The following ZNF680 variants were observed in gnomAD, a reference collection of about 807,000 sequenced individuals.
ZNF680 encodes zinc finger protein 680, also known as hypothetical protein FLJ90430.
Under a neutral mutation model 12.1 loss-of-function variants are expected in ZNF680, and 6 were observed. That is an observed-to-expected ratio of 0.49 (90% CI 0.27 to 0.98). The LOEUF is 0.98. Among genes scored for constraint, ZNF680 ranks in the 50% least tolerant of loss-of-function variants. ZNF680 has a pLI of 0.12. For missense variants in ZNF680, 561 were observed against 616.3 expected (o/e 0.91, Z 0.95); for synonymous variants, 170 against 199.3 (o/e 0.85, Z 1.24).
At chr7:64,511,378 G>GT in the ZNF680 span, among the ~76,000 whole-genome samples, 2 of 152,162 alleles carry the variant, frequency 1.3e-5, no homozygotes, top group Non-Finnish European at 2.9e-5. Context: ...TAATTTCTAT[G>GT]TATCAAAAGA....
chr7:64,509,299 C>T, the ZNF680 span, among the ~76,000 whole-genome samples: 1 of 152,116 alleles, frequency 6.6e-6, no homozygotes, highest in African/African-American at 2.4e-5. Context: ...ATTGTTTTCC[C>T]TTTTATGTCT....
intron 3 of ZNF680, among the ~76,000 whole-genome samples, chr7:64,536,334 G>A (rs920991704): frequency 2.0e-5 from 3 of 152,214 alleles, no homozygotes; most frequent in African/African-American, 7.2e-5. Context: ...TTGGCAGACT[G>A]TACAAGAAGT....
rs530950696 is a variant in ZNF680, at chr7:64,555,516, G to T, written c.30+7409C>A. On this transcript the variant is annotated intron_variant, in intron 1 of 3. Transcript: ENST00000309683. ...GCAACACAGCTAAGGCAGTGTTAAAGAGAAATTTATAGCACTAAAAGCTCA... is the reference window on the plus strand; with the variant it reads ...GCAACACAGCTAAGGCAGTGTTAAATAGAAATTTATAGCACTAAAAGCTCA... Among the ~76,000 whole-genome samples the T allele has an allele frequency of 1.6e-3, 243 of 152,050 alleles. 1 individual carries two copies. The highest frequency in any genetic ancestry group is 2.4e-3 in the Non-Finnish European group (166 of 67,974).
chr7:64,543,129 C>T (rs1193264757), intron 3 of ZNF680, among the ~76,000 whole-genome samples: 1 of 151,884 alleles, frequency 6.6e-6, no homozygotes, highest in African/African-American at 2.4e-5. Flanking sequence ...CATTTTTTTA[C>T]AGCAATGAAA....
intron 3 of ZNF680, among the ~76,000 whole-genome samples, chr7:64,528,210 A>G (rs1584358376): frequency 6.6e-6 from 1 of 152,070 alleles, no homozygotes; most frequent in South Asian, 2.1e-4. Context: ...ATCTTTTTGG[A>G]GGGCAGCCAC....
intron 3 of ZNF680, among the ~76,000 whole-genome samples, chr7:64,527,186 C>G (rs1044268059): frequency 2.0e-5 from 3 of 151,880 alleles, no homozygotes; most frequent in Non-Finnish European, 2.9e-5. Flanking sequence ...TGCAGTGAGC[C>G]GAGATCACGC....
At chr7:64,524,443 A>T (rs1791724755) in intron 3 of ZNF680, among the ~76,000 whole-genome samples, 1 of 152,184 alleles carries the variant, frequency 6.6e-6, no homozygotes, top group South Asian at 2.1e-4. Flanking sequence ...AAAGAAGAAT[A>T]TTAAACAGTA....
intron 3 of ZNF680, among the ~76,000 whole-genome samples, chr7:64,535,487 T>C (rs148610154): frequency 8.9e-4 from 135 of 152,066 alleles, no homozygotes; most frequent in African/African-American, 2.9e-3. Flanking sequence ...GACGCCTGAA[T>C]GGCTTCAGTA....
chr7:64,556,693 C>A (rs761122135), intron 1 of ZNF680, among the ~76,000 whole-genome samples: 3 of 151,944 alleles, frequency 2.0e-5, no homozygotes, highest in Non-Finnish European at 4.4e-5. Context: ...GAAAGAAAAT[C>A]TAAAAAATAC....
chr7:64,559,604 C>T (rs1239447479), intron 1 of ZNF680, among the ~76,000 whole-genome samples: 2 of 152,038 alleles, frequency 1.3e-5, no homozygotes, highest in Admixed American at 6.6e-5. Context: ...CCTCAGCCTC[C>T]TGAGTAGCTG....
chr7:64,561,832 G>A (rs1211118506), intron 1 of ZNF680, among the ~76,000 whole-genome samples: 3 of 151,210 alleles, frequency 2.0e-5, no homozygotes, highest in Non-Finnish European at 2.9e-5. Flanking sequence ...CTACTCAGGA[G>A]GCTGAGGCAG....
chr7:64,548,624 G>C (rs1786902817), intron 1 of ZNF680, among the ~76,000 whole-genome samples: 1 of 152,046 alleles, frequency 6.6e-6, no homozygotes, highest in Non-Finnish European at 1.5e-5. Context: ...CTTGTATGAG[G>C]GGAGGAACAA....
At chr7:64,561,604 T>C (rs57830734) in intron 1 of ZNF680, among the ~76,000 whole-genome samples, 2,093 of 152,282 alleles carry the variant, frequency 0.014, 56 homozygotes, top group African/African-American at 0.047. Flanking sequence ...CATCCAATGA[T>C]TTCTCAAAAA....
chr7:64,531,225 T>C (rs1785857372), intron 3 of ZNF680, among the ~76,000 whole-genome samples: 1 of 152,160 alleles, frequency 6.6e-6, no homozygotes, highest in African/African-American at 2.4e-5. Context: ...GACCATATGA[T>C]AGGCCACAAA....
chr7:64,525,590 A>G (rs973560996), intron 3 of ZNF680: 1 of 275,400 alleles, frequency 3.6e-6, no homozygotes, highest in Non-Finnish European at 5.5e-6. Flanking sequence ...GCTTTGCAAG[A>G]TAAAAACATT....
chr7:64,521,405 G>A lies in ZNF680; in HGVS notation c.1349C>T (p.Thr450Ile). 1 of 1,613,578 alleles carries A rather than the reference G, an allele frequency of 6.2e-7. No individual in the cohort carries two copies. The highest frequency in any genetic ancestry group is 1.1e-5 in the South Asian group (1 of 91,056). ...GKGFTLFSTL[T>I]NHKVIHTGEK... ...TCCAGTATGAATTACTTTATGGTTA[G>A]TAAGGGTTGAAAATAAAGTAAAGCC... Residue 450 changes from threonine to isoleucine, a missense_variant, in exon 4 of 4, where the codon ACT becomes ATT. Thr to Ile is a moderately conservative substitution (Grantham distance 89). Coordinates refer to ENST00000309683, the MANE Select transcript of ZNF680 (RefSeq NM_178558.5).
At chr7:64,502,570 A>G in the ZNF680 span, among the ~76,000 whole-genome samples, 1 of 152,168 alleles carries the variant, frequency 6.6e-6, no homozygotes, top group Admixed American at 6.5e-5. Context: ...CTAGAAAAAT[A>G]GTGTTATAGT....
At chr7:64,501,123 T>G in the ZNF680 span, 1 of 967,970 alleles carries the variant, frequency 1.0e-6, no homozygotes, top group Non-Finnish European at 1.6e-6. Flanking sequence ...TGAAATGATC[T>G]GCAGCGATGT....
At position 64,544,347 on chromosome 7, in the gene ZNF680, C is replaced by G. The variant is rs764117533; in HGVS notation, c.116G>C (p.Arg39Thr). 6.2e-7 allele frequency: 1 copy of G among 1,602,982 alleles called. No homozygotes were observed. The highest frequency in any genetic ancestry group is 1.1e-5 in the South Asian group (1 of 90,974). Residue 39 changes from arginine to threonine, a missense_variant, in exon 2 of 4, where the codon AGG becomes ACG. Transcript: ENST00000309683. ...TCTGTAGTTCTCAAACATCACTTTC[C>G]TATATAAATTCCGTTGTGCAGTGTC... ...CLDTAQRNLY[R>T]KVMFENYRNL...
Sources: gnomAD v4.1 joint callset for allele counts (sites outside exome capture counted in the v4.1 genomes callset) on GRCh38, gnomAD v4.1.1 for gene constraint, MANE v1.5 for transcripts, NCBI Gene and HGNC (gene_info 2026-07-23, HGNC 2026-07-21) for gene names.